Variants in SAXO4 observed in about 807,000 individuals in gnomAD.
SAXO4 encodes protein phosphatase 1 regulatory subunit 32.
At chr11:61,490,743 T>G in the SAXO4 span, 1 of 650,718 alleles carries the variant, frequency 1.5e-6, no homozygotes, top group South Asian at 1.8e-5. Flanking sequence ...GAACCCCTTC[T>G]CTGCCAGGCA....
the SAXO4 span, chr11:61,481,695 T>C: frequency 1.8e-6 from 1 of 554,762 alleles, no homozygotes; most frequent in Non-Finnish European, 3.0e-6. Flanking sequence ...GCCAGCTGCG[T>C]TGTGGGTGGT....
the SAXO4 span, chr11:61,489,488 G>A: frequency 1.7e-6 from 1 of 574,480 alleles, no homozygotes; most frequent in East Asian, 2.9e-5. Context: ...TAAGTGCCTA[G>A]AGAAGTGGAT....
chr11:61,484,827 G>A, the SAXO4 span: 1 of 1,566,080 alleles, frequency 6.4e-7, no homozygotes, highest in Non-Finnish European at 8.7e-7. Context: ...GTGAGTGGCA[G>A]CCCAGCTAAG....
chr11:61,481,957 G>C, the SAXO4 span: 1 of 1,367,222 alleles, frequency 7.3e-7, no homozygotes, highest in African/African-American at 1.5e-5. Flanking sequence ...GCTAGGACAT[G>C]GGCAGGAAGG....
At chr11:61,486,697 A>G in the SAXO4 span, 1 of 1,282,906 alleles carries the variant, frequency 7.8e-7, no homozygotes, top group Non-Finnish European at 1.1e-6. Flanking sequence ...GCATTGAAGA[A>G]TGAGAAGAAT....
At chr11:61,490,093 C>A in the SAXO4 span, 1 of 786,298 alleles carries the variant, frequency 1.3e-6, no homozygotes, top group South Asian at 1.8e-5. Context: ...TGTCCCTTCT[C>A]CTGCTAGCAC....
chr11:61,490,574 C>A, the SAXO4 span: 1 of 1,613,772 alleles, frequency 6.2e-7, no homozygotes. Flanking sequence ...CAGCTGAGCC[C>A]TGAGCCCTTG....
At chr11:61,485,190 C>T in the SAXO4 span, 1 of 664,644 alleles carries the variant, frequency 1.5e-6, no homozygotes, top group Non-Finnish European at 2.6e-6. Flanking sequence ...CGATGTCCCA[C>T]CCCACAGAGA....
At chr11:61,482,139 CA>C in the SAXO4 span, among the ~76,000 whole-genome samples, 1 of 152,214 alleles carries the variant, frequency 6.6e-6, no homozygotes, top group Non-Finnish European at 1.5e-5. Context: ...CCACCCACTC[CA>C]TTTCCTGCCA....
At chr11:61,490,922 A>C in the SAXO4 span, 1 of 310,160 alleles carries the variant, frequency 3.2e-6, no homozygotes, top group Non-Finnish European at 6.1e-6. Context: ...AAGAGCATTG[A>C]AGCAGAGAAG....
chr11:61,481,834 G>C, the SAXO4 span: 1 of 1,529,980 alleles, frequency 6.5e-7, no homozygotes. Context: ...CCCCCTGGGG[G>C]TCGTCTCCCC....
the SAXO4 span, chr11:61,482,730 TC>T: frequency 6.2e-7 from 1 of 1,613,638 alleles, no homozygotes; most frequent in African/African-American, 1.3e-5. Flanking sequence ...ACGGCAAGCA[TC>T]CCCTGCCCTG....
At chr11:61,488,277 G>C in the SAXO4 span, among the ~76,000 whole-genome samples, 26 of 146,464 alleles carry the variant, frequency 1.8e-4, no homozygotes, top group Middle Eastern at 0.013. Context: ...ATGAGCCACC[G>C]TGTCCTGCCA....
the SAXO4 span, chr11:61,486,444 G>T: frequency 1.2e-6 from 2 of 1,613,692 alleles, no homozygotes; most frequent in Non-Finnish European, 8.5e-7. Context: ...GCCTGGCGGG[G>T]AGCAGTTAGA....
At chr11:61,490,112 C>T in the SAXO4 span, among the ~76,000 whole-genome samples, 1 of 152,154 alleles carries the variant, frequency 6.6e-6, no homozygotes, top group Non-Finnish European at 1.5e-5. Flanking sequence ...ACAGGCTCCT[C>T]CCCTCCTCTC....
chr11:61,485,268 C>A, the SAXO4 span: 1 of 1,384,564 alleles, frequency 7.2e-7, no homozygotes, highest in Non-Finnish European at 1.0e-6. Flanking sequence ...AGGCGCCACT[C>A]CACCGCCGCC....
chr11:61,488,297 A>G, the SAXO4 span, among the ~76,000 whole-genome samples: 1 of 109,438 alleles, frequency 9.1e-6, no homozygotes, highest in African/African-American at 3.4e-5. Context: ...AAGAAGTACA[A>G]TTCCTTTTTT....
chr11:61,489,836 C>T, the SAXO4 span: 1 of 1,613,826 alleles, frequency 6.2e-7, no homozygotes, highest in Non-Finnish European at 8.5e-7. Context: ...CTCGAGGTGG[C>T]ATCCAGCCCC....
chr11:61,483,632 T>C, the SAXO4 span, among the ~76,000 whole-genome samples: 1 of 151,790 alleles, frequency 6.6e-6, no homozygotes, highest in Non-Finnish European at 1.5e-5. Context: ...GGTTAGGAAA[T>C]ACAACAGGGA....
Sources: gnomAD v4.1 joint callset for allele counts (sites outside exome capture counted in the v4.1 genomes callset) on GRCh38, gnomAD v4.1.1 for gene constraint, MANE v1.5 for transcripts, NCBI Gene and HGNC (gene_info 2026-07-23, HGNC 2026-07-21) for gene names.